The following MECOM variants were observed in gnomAD, a reference collection of about 807,000 sequenced individuals.
The protein encoded by MECOM is MDS1 and EVI1 complex locus.
MECOM carries 13 observed loss-of-function variants against 116.3 expected under a neutral mutation model. The ratio of observed to expected loss-of-function variants is 0.11; its 90% CI spans 0.07 to 0.18. The LOEUF (loss-of-function observed/expected upper bound fraction) is 0.18, where lower values mean the gene tolerates loss of function less well. Among genes scored for constraint, MECOM ranks in the 10% least tolerant of loss-of-function variants. The pLI is 1.00. For missense variants in MECOM, 1,299 were observed against 1,509.0 expected (o/e 0.86, Z 2.31); for synonymous variants, 528 against 535.2 (o/e 0.99, Z 0.19).
intron 1 of MECOM, among the ~76,000 whole-genome samples, chr3:169,616,566 C>T (rs909692839): frequency 6.6e-6 from 1 of 152,210 alleles, no homozygotes; most frequent in Non-Finnish European, 1.5e-5. Flanking sequence ...TTTCAAACTC[C>T]TGACCTCAGG....
intron 1 of MECOM, among the ~76,000 whole-genome samples, chr3:169,434,244 C>G (rs1742254000): frequency 6.6e-6 from 1 of 152,104 alleles, no homozygotes; most frequent in South Asian, 2.1e-4. Context: ...ACTTTAGAAG[C>G]AAGCACATAT....
At chr3:169,274,676 G>A (rs1207210053) in intron 2 of MECOM, among the ~76,000 whole-genome samples, 6 of 151,950 alleles carry the variant, frequency 3.9e-5, no homozygotes, top group Non-Finnish European at 8.8e-5. Flanking sequence ...TGTCAAATAC[G>A]GTAGCAACTA....
intron 2 of MECOM, among the ~76,000 whole-genome samples, chr3:169,154,299 C>A (rs1741620346): frequency 6.6e-6 from 1 of 152,162 alleles, no homozygotes; most frequent in Non-Finnish European, 1.5e-5. Flanking sequence ...TTATTCTCTA[C>A]AATGTCTCCT....
chr3:169,620,547 T>G (rs564099470), intron 1 of MECOM, among the ~76,000 whole-genome samples: 1 of 152,318 alleles, frequency 6.6e-6, no homozygotes, highest in Non-Finnish European at 1.5e-5. Flanking sequence ...TTAAAAGGGG[T>G]TATTTTGGTA....
At chr3:169,215,206 G>T in intron 2 of MECOM, among the ~76,000 whole-genome samples, 1 of 148,486 alleles carries the variant, frequency 6.7e-6, no homozygotes, top group Admixed American at 6.7e-5. Context: ...GTATTTTCCA[G>T]GAGACTCATT....
At position 169,381,220 on chromosome 3, in the gene MECOM, C is replaced by T; in HGVS notation, c.342G>A (p.Arg114=). ...CATAACTGGGGTCTTTCAGGTTTGACCTCTGCTCTCCCACATAAGGCCCAA... is the reference window on the plus strand; with the variant it reads ...CATAACTGGGGTCTTTCAGGTTTGATCTCTGCTCTCCCACATAAGGCCCAA... The part of the protein sequence containing the change: ...EKFGPYVGEQ[R]SNLKDPSYGW... The change falls in exon 2 of 17, where the codon AGG becomes AGA. Residue 114 remains arginine, a synonymous_variant. Transcript: ENST00000651503. 1.2e-6 allele frequency: 2 copies of T among 1,611,822 alleles called. No homozygotes were observed. The highest frequency in any genetic ancestry group is 1.7e-6 in the Non-Finnish European group (2 of 1,178,092).
chr3:169,405,667 A>G (rs1736587291), intron 1 of MECOM, among the ~76,000 whole-genome samples: 1 of 152,244 alleles, frequency 6.6e-6, no homozygotes, highest in South Asian at 2.1e-4. Context: ...CAATATGTCC[A>G]TTTAGTACTT....
intron 2 of MECOM, among the ~76,000 whole-genome samples, chr3:169,201,257 ATGTGTGTGTG>A (rs59517316): frequency 6.7e-6 from 1 of 150,214 alleles, no homozygotes; most frequent in Non-Finnish European, 1.5e-5. Context: ...TTTAGACAAG[ATGTGTGTGTG>A]TGTGTGTGTG....
rs1157852145 is a variant in MECOM at position 169,382,849 on chromosome 3, C to CA, written c.38-1326dup. Among the ~76,000 whole-genome samples, 202 of 47,080 alleles carry CA rather than the reference C, an allele frequency of 4.3e-3. 4 individuals are homozygous for CA. Among genetic ancestry groups the CA allele is most frequent in the Middle Eastern group, 0.011 (1 of 94 alleles). 30.9% of individuals were successfully genotyped at this position (47,080 alleles called of 152,430 possible). A position where few individuals can be genotyped will look rare whatever the true frequency, so the allele number is the denominator to read the frequency against. ...CTGGCAAGAGACTGAAAGCCCATCT[C>CA]AAAAAAAAAAAAAAATAAAAAAAAT... On this transcript the variant is annotated intron_variant, in intron 1 of 16. Transcript: ENST00000651503.
intron 1 of MECOM, among the ~76,000 whole-genome samples, chr3:169,603,138 T>C (rs186632458): frequency 2.6e-4 from 39 of 152,328 alleles, no homozygotes; most frequent in Admixed American, 2.4e-3. Flanking sequence ...TATAAAACAA[T>C]GGTCCCATAA....
In MECOM at chr3:169,115,702, G is replaced by A; in HGVS notation, c.2170C>T (p.Pro724Ser). The change falls in exon 8 of 17, where the codon CCC becomes TCC. Residue 724 changes from proline (P) to serine (S), a missense_variant. Transcript: ENST00000651503. ...DLRSLPLKME[P>S]QSPGEVKKLQ... is the part of the protein sequence containing the mutation. ...TTCTTTACTTCACCTGGTGATTGGG[G>A]TTCCATTTTCAAAGGTAACGATCTC... 1 of 1,614,122 alleles carries A rather than the reference G, an allele frequency of 6.2e-7. No homozygotes were observed. The highest frequency in any genetic ancestry group is 1.1e-5 in the South Asian group (1 of 91,076).
At chr3:169,562,012 G>T (rs1300077619) in intron 1 of MECOM, among the ~76,000 whole-genome samples, 1 of 151,550 alleles carries the variant, frequency 6.6e-6, no homozygotes, top group Non-Finnish European at 1.5e-5. Flanking sequence ...CCGGCATGGT[G>T]GTGTGTGCCT....
intron 2 of MECOM, among the ~76,000 whole-genome samples, chr3:169,261,480 C>T (rs1040773634): frequency 3.9e-5 from 6 of 152,084 alleles, no homozygotes; most frequent in African/African-American, 1.4e-4. Flanking sequence ...GGACAGATCA[C>T]CTGAGGTCAG....
intron 7 of MECOM, among the ~76,000 whole-genome samples, chr3:169,119,150 G>A (rs1355420615): frequency 2.0e-5 from 3 of 152,200 alleles, no homozygotes; most frequent in African/African-American, 7.2e-5. Flanking sequence ...TTGGGCTCAA[G>A]CGTGGCAGCA....
intron 1 of MECOM, among the ~76,000 whole-genome samples, chr3:169,410,700 C>T (rs1347528232): frequency 6.6e-6 from 1 of 152,146 alleles, no homozygotes; most frequent in East Asian, 1.9e-4. Flanking sequence ...TCATCACAAA[C>T]TAGACTCAAC....
intron 1 of MECOM, among the ~76,000 whole-genome samples, chr3:169,543,550 G>A (rs927429981): frequency 6.6e-6 from 1 of 152,040 alleles, no homozygotes; most frequent in Non-Finnish European, 1.5e-5. Context: ...ACTTGCTCTG[G>A]GTGACAGAGC....
At chr3:169,307,480 G>A (rs181779924) in intron 2 of MECOM, among the ~76,000 whole-genome samples, 1 of 152,084 alleles carries the variant, frequency 6.6e-6, no homozygotes, top group Non-Finnish European at 1.5e-5. Context: ...AGGCTGAGAG[G>A]ATTGCTTGAG....
chr3:169,133,942 CTTA>C, intron 3 of MECOM: 2 of 1,289,518 alleles, frequency 1.6e-6, no homozygotes, highest in Non-Finnish European at 1.0e-6. Flanking sequence ...AAAGGTTTAA[CTTA>C]TTAGCTTCCT....
At chr3:169,472,636 AG>A (rs1401073418) in intron 1 of MECOM, among the ~76,000 whole-genome samples, 28 of 86,768 alleles carry the variant, frequency 3.2e-4, no homozygotes, top group African/African-American at 1.4e-3. Context: ...AGAAAAGAAA[AG>A]GAAAGGAAAG....
Sources: allele counts gnomAD v4.1 joint callset (sites outside exome capture counted in the v4.1 genomes callset), GRCh38; gene constraint gnomAD v4.1.1; transcripts MANE v1.5; gene names NCBI Gene and HGNC (gene_info 2026-07-23, HGNC 2026-07-21).